TOGARAM1: variants seen among roughly 807,000 people sequenced by gnomAD.
TOGARAM1 encodes TOG array regulator of axonemal microtubules protein 1.
In TOGARAM1, 100 loss-of-function variants were observed where a neutral mutation model predicts 166.6. That is an observed-to-expected ratio of 0.60 (90% CI 0.51 to 0.71). The LOEUF is 0.71. TOGARAM1 is among the 30% of genes least tolerant of loss of function. The pLI is 0.00. For synonymous variants in TOGARAM1, 758 were observed against 763.8 expected (o/e 0.99, Z 0.13); for missense variants, 2,029 against 2,102.7 (o/e 0.96, Z 0.69).
Position 44,964,461 on chromosome 14 carries a change from A to G in TOGARAM1, c.2040A>G (p.Ile680Met), listed in dbSNP as rs1885403368. 6 of 1,551,132 alleles carry G rather than the reference A, an allele frequency of 3.9e-6. No homozygotes were observed. The highest frequency in any genetic ancestry group is 5.2e-6 in the Non-Finnish European group (6 of 1,149,952). The change falls in exon 1 of 20, where the codon ATA becomes ATG. Residue 680 changes from isoleucine to methionine, a missense_variant. By Grantham distance (10) the Ile-to-Met change is conservative. Transcript: ENST00000361462. ...ACCAGACCTCCACTTCCAAGGATAT[A>G]GAGCAGGTATGCTTCTCTAATTTTC... ...GENQTSTSKD[I>M]EQFSTYDFIP...
intron 2 of TOGARAM1, chr14:44,996,993 C>T (rs1163483090): frequency 6.6e-6 from 1 of 152,196 alleles, no homozygotes; most frequent in Non-Finnish European, 1.5e-5. Context: ...GGTGGGGACA[C>T]AAAGCCAAAC....
chr14:44,972,852 A>G (rs1166863224), intron 1 of TOGARAM1, among the ~76,000 whole-genome samples: 1 of 152,138 alleles, frequency 6.6e-6, no homozygotes, highest in Non-Finnish European at 1.5e-5. Context: ...TTTCAGTGAA[A>G]TGACATACAG....
At chr14:45,018,639 T>C (rs1015670759) in intron 7 of TOGARAM1, among the ~76,000 whole-genome samples, 3 of 152,214 alleles carry the variant, frequency 2.0e-5, no homozygotes, top group Non-Finnish European at 4.4e-5. Context: ...TTGAGTAAGA[T>C]GGAGCTTGAT....
intron 12 of TOGARAM1, 25 bp downstream of exon 12, chr14:45,043,816 A>ATAAC: frequency 7.7e-7 from 1 of 1,301,316 alleles, no homozygotes; most frequent in South Asian, 1.2e-5. Context: ...CAGATGAGTT[A>ATAAC]AGGATTGTTA....
At chr14:44,965,886 T>TC (rs1366858470) in intron 1 of TOGARAM1, among the ~76,000 whole-genome samples, 1 of 148,762 alleles carries the variant, frequency 6.7e-6, no homozygotes, top group Non-Finnish European at 1.5e-5. Context: ...TTTTTTTTTT[T>TC]TTTTTTGAGA....
chr14:44,964,376 C>T lies in TOGARAM1; in HGVS notation c.1955C>T (p.Ala652Val). The T allele has an allele frequency of 1.9e-6, 3 of 1,612,676 alleles. No homozygotes were observed. The highest frequency in any genetic ancestry group is 2.5e-6 in the Non-Finnish European group (3 of 1,179,546). ...ATCTGTACCCGAAGGGTATTAAGTG[C>T]AGGAAAAGGAAAAAATAAATTACCA... Reference protein sequence around the residue: ...PTICTRRVLSAGKGKNKLPWE... With the variant: ...PTICTRRVLSVGKGKNKLPWE... Residue 652 changes from alanine to valine, a missense_variant, in exon 1 of 20, where the codon GCA (alanine) becomes GTA (valine). Around this residue, in one of 2 missense-constraint regions of TOGARAM1, gnomAD observed 1,453 missense variants for 1,432.2 expected, o/e 1.01. Transcript: ENST00000361462.
At chr14:45,035,679 T>C (rs1210218435) in intron 11 of TOGARAM1, among the ~76,000 whole-genome samples, 1 of 151,930 alleles carries the variant, frequency 6.6e-6, no homozygotes, top group African/African-American at 2.4e-5. Flanking sequence ...GGGCAAGACA[T>C]TACATATAGA....
At chr14:45,061,509 T>A (rs1377951018) in intron 16 of TOGARAM1, among the ~76,000 whole-genome samples, 1 of 152,244 alleles carries the variant, frequency 6.6e-6, no homozygotes, top group Non-Finnish European at 1.5e-5. Flanking sequence ...CTGTGTATGA[T>A]ATTAGCTGTA....
At chr14:45,018,174 G>A (rs1365416475) in intron 7 of TOGARAM1, among the ~76,000 whole-genome samples, 2 of 152,022 alleles carry the variant, frequency 1.3e-5, no homozygotes, top group African/African-American at 4.8e-5. Flanking sequence ...TAAATAAAAA[G>A]CTGTTATTTT....
At chr14:45,060,830 G>A (rs915303165) in intron 16 of TOGARAM1, among the ~76,000 whole-genome samples, 1 of 152,120 alleles carries the variant, frequency 6.6e-6, no homozygotes, top group Non-Finnish European at 1.5e-5. Context: ...TACATCACAA[G>A]GTACATGATG....
chr14:44,998,642 T>A (rs868368089), intron 2 of TOGARAM1, among the ~76,000 whole-genome samples: 24 of 151,910 alleles, frequency 1.6e-4, no homozygotes, highest in Middle Eastern at 3.4e-3. Flanking sequence ...TTAAAAAAAA[T>A]AAAATAAAAT....
At chr14:45,000,079 G>A (rs1428354120) in intron 3 of TOGARAM1, among the ~76,000 whole-genome samples, 7 of 151,662 alleles carry the variant, frequency 4.6e-5, no homozygotes, top group Non-Finnish European at 7.4e-5. Flanking sequence ...TGCGACCTCC[G>A]CCCCTGCCCC....
At chr14:45,048,224 C>T (rs1246080009) in intron 14 of TOGARAM1, among the ~76,000 whole-genome samples, 3 of 148,884 alleles carry the variant, frequency 2.0e-5, no homozygotes, top group Non-Finnish European at 4.4e-5. Flanking sequence ...TGGCGGCATG[C>T]GCCTGTAGTT....
intron 13 of TOGARAM1, among the ~76,000 whole-genome samples, chr14:45,045,387 A>G (rs1594686827): frequency 6.6e-6 from 1 of 150,488 alleles, no homozygotes; most frequent in Admixed American, 6.7e-5. Flanking sequence ...GACTTTGCAT[A>G]CTCATAACTT....
chr14:44,995,402 A>G (rs761989742), intron 1 of TOGARAM1: 6 of 453,414 alleles, frequency 1.3e-5, no homozygotes, highest in East Asian at 6.9e-5. Context: ...CTAGTACTCA[A>G]ACAAAGATAG....
At chr14:44,992,927 A>G (rs1594631507) in intron 1 of TOGARAM1, among the ~76,000 whole-genome samples, 1 of 151,372 alleles carries the variant, frequency 6.6e-6, no homozygotes, top group South Asian at 2.1e-4. Context: ...TAATTTTTGC[A>G]ATCTTTTTAT....
intron 8 of TOGARAM1, among the ~76,000 whole-genome samples, chr14:45,027,091 T>C (rs1880894558): frequency 6.6e-6 from 1 of 152,214 alleles, no homozygotes; most frequent in South Asian, 2.1e-4. Context: ...TATGCAGCTC[T>C]CACTTATTAT....
intron 1 of TOGARAM1, among the ~76,000 whole-genome samples, chr14:44,980,762 A>G (rs1594617646): frequency 1.3e-5 from 2 of 152,194 alleles, no homozygotes; most frequent in Non-Finnish European, 2.9e-5. Flanking sequence ...ATACCATGCT[A>G]AGGAATTTAA....
chr14:45,011,791 G>A (rs1209185062), intron 6 of TOGARAM1, 184 bp from the exon 7 acceptor site: 13 of 471,030 alleles, frequency 2.8e-5, no homozygotes, highest in South Asian at 4.7e-5. Context: ...ATATATGTGT[G>A]TGTGTGTGTG....
Sources: allele counts gnomAD v4.1 joint callset (sites outside exome capture counted in the v4.1 genomes callset), GRCh38; gene constraint gnomAD v4.1.1; regional missense constraint gnomAD v4.1.1; transcripts MANE v1.5; gene names NCBI Gene and HGNC (gene_info 2026-07-23, HGNC 2026-07-21).